Variants in ESRRG observed in about 807,000 individuals in gnomAD.
The protein encoded by ESRRG is estrogen related receptor gamma, also known as estrogen-related receptor gamma.
Under a neutral mutation model 44.0 loss-of-function variants are expected in ESRRG, and 13 were observed. The observed-to-expected ratio is 0.30, with a 90% CI of 0.19 to 0.47. The LOEUF (loss-of-function observed/expected upper bound fraction) is 0.47, where lower values mean the gene tolerates loss of function less well. Among genes scored for constraint, ESRRG ranks in the 20% least tolerant of loss-of-function variants. ESRRG has a pLI of 1.00. For synonymous variants in ESRRG, 215 were observed against 214.6 expected, an observed-to-expected ratio of 1.00 and a Z score of -0.02; for missense variants, 395 against 580.6, an observed-to-expected ratio of 0.68 and a Z score of 3.29.
At chr1:216,793,592 A>C (rs1225241164) in intron 2 of ESRRG, among the ~76,000 whole-genome samples, 1 of 152,162 alleles carries the variant, frequency 6.6e-6, no homozygotes, top group Non-Finnish European at 1.5e-5. Context: ...CCTTGAGTGC[A>C]ACCTCATGAG....
At position 217,046,773 on chromosome 1, in the gene ESRRG, C is replaced by G. The variant is rs12059552; in HGVS notation, c.-106+42734G>C. On this transcript the variant is annotated intron_variant, in intron 1 of 7. Coordinates refer to the ESRRG transcript ENST00000359162. Reference sequence around the variant, plus strand: ...TGGTATGCACCTGTAGTCCCAACTACTCAGGAGGCTGAGGCGGGAGAATTG... The same window carrying G: ...TGGTATGCACCTGTAGTCCCAACTAGTCAGGAGGCTGAGGCGGGAGAATTG... Among the ~76,000 whole-genome samples, 1,162 of 152,046 alleles carry G rather than the reference C, an allele frequency of 7.6e-3. 17 individuals carry two copies. Among genetic ancestry groups the G allele is most frequent in the African/African-American group, 0.027 (1,104 of 41,448 alleles).
chr1:216,610,876 C>T, intron 3 of ESRRG, among the ~76,000 whole-genome samples: 1 of 151,998 alleles, frequency 6.6e-6, no homozygotes, highest in East Asian at 1.9e-4. Context: ...GTTTACTTAC[C>T]TTAAAATGGT....
At chr1:216,929,725 G>C (rs966034724) in intron 2 of ESRRG, among the ~76,000 whole-genome samples, 1 of 152,134 alleles carries the variant, frequency 6.6e-6, no homozygotes, top group African/African-American at 2.4e-5. Flanking sequence ...CAGACCACAG[G>C]GGGCCTAGGA....
chr1:216,668,041 GAGCCAAGATCACACCATTGCACTCC>G (rs2074352460), intron 2 of ESRRG, among the ~76,000 whole-genome samples: 1 of 146,708 alleles, frequency 6.8e-6, no homozygotes, highest in South Asian at 2.2e-4. Context: ...AGGTTGCAGT[GAGCCAAGATCACACCATTGCACTCC>G]AGCCTGGGTG....
chr1:216,977,337 T>TAC (rs1166553968), intron 1 of ESRRG, among the ~76,000 whole-genome samples: 3 of 55,288 alleles, frequency 5.4e-5, no homozygotes, highest in African/African-American at 2.1e-4. Context: ...CCAAGGAGGA[T>TAC]ACATACACAC....
intron 2 of ESRRG, among the ~76,000 whole-genome samples, chr1:216,875,210 TTTTA>T (rs1211537485): frequency 6.6e-6 from 1 of 152,200 alleles, no homozygotes; most frequent in Non-Finnish European, 1.5e-5. Flanking sequence ...AGTGTTTGGC[TTTTA>T]TTTTTTACAC....
At chr1:216,680,392 A>G (rs950731845) in intron 1 of ESRRG, among the ~76,000 whole-genome samples, 1 of 152,192 alleles carries the variant, frequency 6.6e-6, no homozygotes, top group Admixed American at 6.5e-5. Flanking sequence ...CAAAGACCAG[A>G]GCAGAAATGT....
intron 2 of ESRRG, among the ~76,000 whole-genome samples, chr1:216,931,085 G>C (rs1392403561): frequency 6.6e-6 from 1 of 152,178 alleles, no homozygotes; most frequent in Non-Finnish European, 1.5e-5. Context: ...CTTGGAAGTT[G>C]AGAGGCTAAT....
intron 2 of ESRRG, among the ~76,000 whole-genome samples, chr1:216,789,003 C>T (rs79669958): frequency 0.033 from 5,089 of 152,142 alleles, 302 homozygotes; most frequent in African/African-American, 0.12. Flanking sequence ...TTGCTTCTTA[C>T]GGATGAGTGG....
chr1:216,764,980 C>A (rs2093003181), intron 2 of ESRRG, among the ~76,000 whole-genome samples: 1 of 151,934 alleles, frequency 6.6e-6, no homozygotes, highest in South Asian at 2.1e-4. Context: ...GACACTCGAC[C>A]AAGTGATACA....
At chr1:216,625,015 G>A (rs982792270) in intron 3 of ESRRG, among the ~76,000 whole-genome samples, 3 of 151,938 alleles carry the variant, frequency 2.0e-5, no homozygotes, top group Admixed American at 6.6e-5. Flanking sequence ...CATTCAAAAT[G>A]CTCACCAAAT....
intron 2 of ESRRG, among the ~76,000 whole-genome samples, chr1:216,756,955 C>T (rs761915446): frequency 9.2e-5 from 14 of 151,852 alleles, no homozygotes; most frequent in Non-Finnish European, 1.8e-4. Flanking sequence ...GTCTAGGGTA[C>T]GCACACCCAT....
At chr1:217,036,837 A>G (rs1177108677) in intron 1 of ESRRG, among the ~76,000 whole-genome samples, 1 of 74,632 alleles carries the variant, frequency 1.3e-5, no homozygotes, top group Admixed American at 1.4e-4. Context: ...GAAAAGAAAG[A>G]AAAGAAAAAA....
chr1:217,128,650 C>T (rs548839967), intron 1 of ESRRG, among the ~76,000 whole-genome samples: 2 of 152,276 alleles, frequency 1.3e-5, no homozygotes, highest in Admixed American at 6.5e-5. Flanking sequence ...AGGCTAGACA[C>T]CTTATCTGAA....
chr1:216,695,972 C>T (rs2080076081), intron 1 of ESRRG, among the ~76,000 whole-genome samples: 1 of 152,176 alleles, frequency 6.6e-6, no homozygotes, highest in African/African-American at 2.4e-5. Flanking sequence ...TTACACCAAC[C>T]TAGATCGTTG....
chr1:216,889,752 C>A (rs983741730), intron 2 of ESRRG, among the ~76,000 whole-genome samples: 1 of 152,110 alleles, frequency 6.6e-6, no homozygotes, highest in African/African-American at 2.4e-5. Flanking sequence ...CCACTGATTT[C>A]GCTTTCCTGA....
At chr1:216,672,367 CCTTT>C (rs1328667029) in intron 2 of ESRRG, among the ~76,000 whole-genome samples, 1 of 152,140 alleles carries the variant, frequency 6.6e-6, no homozygotes, top group Non-Finnish European at 1.5e-5. Flanking sequence ...GTAAAATATT[CCTTT>C]CTATTTACCT....
At chr1:216,579,889 T>A (rs1324980845) in intron 3 of ESRRG, among the ~76,000 whole-genome samples, 1 of 152,186 alleles carries the variant, frequency 6.6e-6, no homozygotes, top group Non-Finnish European at 1.5e-5. Flanking sequence ...AACTTAAATT[T>A]CTTAGTCTTT....
chr1:217,119,012 TAG>T (rs1558281850), intron 1 of ESRRG, among the ~76,000 whole-genome samples: 2,050 of 96,588 alleles, frequency 0.021, 24 homozygotes, highest in Non-Finnish European at 0.03. Flanking sequence ...GATGGATAGA[TAG>T]ATAGATAGAT....
Sources: allele counts gnomAD v4.1 joint callset (sites outside exome capture counted in the v4.1 genomes callset), GRCh38; gene constraint gnomAD v4.1.1; transcripts MANE v1.5; gene names NCBI Gene and HGNC (gene_info 2026-07-23, HGNC 2026-07-21).